The following RAP2A variants were observed in gnomAD, a reference collection of about 807,000 sequenced individuals.
RAP2A encodes the protein RAP2A, member of RAS oncogene family, also known as ras-related protein Rap-2a.
In RAP2A, 5 loss-of-function variants were observed where a neutral mutation model predicts 15.1. The ratio of observed to expected loss-of-function variants is 0.33; its 90% CI spans 0.17 to 0.70. The LOEUF is 0.70. RAP2A is among the 30% of genes least tolerant of loss of function. The probability of loss-of-function intolerance (pLI) is 0.68; values close to 1 mark genes in which losing one functional copy is unlikely to be tolerated. For synonymous variants in RAP2A, 110 were observed against 99.7 expected (o/e 1.10, Z -0.62); for missense variants, 111 against 240.3 (o/e 0.46, Z 3.56).
intron 1 of RAP2A, among the ~76,000 whole-genome samples, chr13:97,455,028 C>T (rs2066717091): frequency 6.6e-6 from 1 of 151,256 alleles, no homozygotes; most frequent in African/African-American, 2.4e-5. Flanking sequence ...TCTTTGGCTG[C>T]TTTCAAGATT....
chr13:97,461,871 G>A (rs1016126838), intron 1 of RAP2A, among the ~76,000 whole-genome samples: 1 of 151,176 alleles, frequency 6.6e-6, no homozygotes, highest in African/African-American at 2.4e-5. Flanking sequence ...ACTGAGGCAA[G>A]AGAATGGCGT....
chr13:97,451,398 A>C (rs1439498762), intron 1 of RAP2A, among the ~76,000 whole-genome samples: 1 of 152,150 alleles, frequency 6.6e-6, no homozygotes, highest in Non-Finnish European at 1.5e-5. Context: ...AGCCACTTCC[A>C]TACTCAGAGA....
chr13:97,449,206 G>A (rs951847925), intron 1 of RAP2A, among the ~76,000 whole-genome samples: 3 of 152,116 alleles, frequency 2.0e-5, no homozygotes, highest in African/African-American at 7.2e-5. Flanking sequence ...GCTAGTCGCT[G>A]TAGATCTGCT....
At chr13:97,463,478 TAAAAG>T in intron 1 of RAP2A, among the ~76,000 whole-genome samples, 1 of 152,238 alleles carries the variant, frequency 6.6e-6, no homozygotes, top group Non-Finnish European at 1.5e-5. Context: ...TTGTCAGTCT[TAAAAG>T]AATCCTAATT....
chr13:97,458,003 CTG>C (rs879680612), intron 1 of RAP2A, among the ~76,000 whole-genome samples: 3 of 152,126 alleles, frequency 2.0e-5, no homozygotes, highest in Non-Finnish European at 4.4e-5. Flanking sequence ...AACTTTTAAA[CTG>C]TGACTTTTTA....
At chr13:97,435,675 T>C (rs2066631090) in intron 1 of RAP2A, among the ~76,000 whole-genome samples, 1 of 152,176 alleles carries the variant, frequency 6.6e-6, no homozygotes, top group Non-Finnish European at 1.5e-5. Flanking sequence ...TTCTCTTAAA[T>C]TCACTGAATA....
chr13:97,442,942 A>G (rs936263716), intron 1 of RAP2A, among the ~76,000 whole-genome samples: 2 of 152,230 alleles, frequency 1.3e-5, no homozygotes, highest in Non-Finnish European at 2.9e-5. Context: ...TGTTGTGCAT[A>G]TTAGAAATAT....
intron 1 of RAP2A, among the ~76,000 whole-genome samples, chr13:97,442,197 ATAAC>A (rs2066660556): frequency 6.6e-6 from 1 of 152,258 alleles, no homozygotes; most frequent in East Asian, 1.9e-4. Flanking sequence ...AGTAATCAAA[ATAAC>A]TAAAAACAAT....
In RAP2A at chr13:97,466,680, G is replaced by A. The variant is rs2066773015; in HGVS notation, c.*2238G>A. The A allele has an allele frequency of 6.6e-6, 1 of 152,196 alleles. No homozygotes were observed. Among genetic ancestry groups the A allele is most frequent in the African/African-American group, 2.4e-5 (1 of 41,440 alleles). The allele number at this position is 152,196 out of a possible 1,614,324, so 9.4% of individuals were successfully genotyped here. On this transcript the variant is annotated 3_prime_UTR_variant, in exon 2 of 2. Coordinates refer to ENST00000245304, the MANE Select transcript of RAP2A (RefSeq NM_021033.7). ...GTTAAATAATATGAAAGATATGGCA[G>A]AATGTAAAGTGGAAAAGATGACCTA...
intron 1 of RAP2A, among the ~76,000 whole-genome samples, chr13:97,438,205 A>G (rs187321823): frequency 2.0e-4 from 31 of 152,196 alleles, no homozygotes; most frequent in African/African-American, 7.0e-4. Context: ...TGGTCCTGAC[A>G]TGAAGTTCTT....
chr13:97,440,024 A>G (rs2153179111), intron 1 of RAP2A, among the ~76,000 whole-genome samples: 1 of 152,252 alleles, frequency 6.6e-6, no homozygotes, highest in Middle Eastern at 3.4e-3. Context: ...ACAGAAGCAT[A>G]TTACCAATTG....
At chr13:97,457,567 T>C (rs575462359) in intron 1 of RAP2A, among the ~76,000 whole-genome samples, 2 of 152,188 alleles carry the variant, frequency 1.3e-5, no homozygotes, top group East Asian at 1.9e-4. Flanking sequence ...GGCACAGTTA[T>C]AGATTCTATA....
chr13:97,434,864 C>T lies in RAP2A; in HGVS notation c.314+80C>T, dbSNP rs572134854. 6 of 1,560,456 alleles carry T rather than the reference C, an allele frequency of 3.8e-6. No homozygotes were observed. In the Admixed American group the frequency reaches 1.1e-4, roughly 28 times the overall value. ...GGCTGGAACTCCCCGCGCGGGGCTCCGGGGAAGGGGCTTTCTGGGGGGTGG... is the reference window on the plus strand; with the variant it reads ...GGCTGGAACTCCCCGCGCGGGGCTCTGGGGAAGGGGCTTTCTGGGGGGTGG... On this transcript the variant is annotated intron_variant, in intron 1 of 1. Transcript: ENST00000245304.
intron 1 of RAP2A, among the ~76,000 whole-genome samples, chr13:97,442,988 G>A (rs1202142121): frequency 6.6e-6 from 1 of 152,170 alleles, no homozygotes; most frequent in Non-Finnish European, 1.5e-5. Flanking sequence ...GTTCATTCTA[G>A]TAATTCAAGA....
At chr13:97,456,049 A>G (rs2066721396) in intron 1 of RAP2A, among the ~76,000 whole-genome samples, 1 of 148,720 alleles carries the variant, frequency 6.7e-6, no homozygotes, top group Non-Finnish European at 1.5e-5. Context: ...CAGATTTCTA[A>G]TGAAGTTTTA....
rs375606502 is a variant in RAP2A, at chr13:97,464,484, G to T, written c.*42G>T. 6.9e-6 allele frequency: 11 copies of T among 1,584,200 alleles called. No homozygotes were observed. Among genetic ancestry groups the T allele is most frequent in the Non-Finnish European group, 9.5e-6 (11 of 1,154,218 alleles). ...TCCTGGATGGGATTTGCCCAATGTC[G>T]TAGGTGATAGAAAACTCGCCTACTC... On this transcript the variant is annotated 3_prime_UTR_variant, in exon 2 of 2. Transcript: ENST00000245304.
At position 97,451,246 on chromosome 13, in the gene RAP2A, T is replaced by A. The variant is rs1241188833; in HGVS notation, c.315-12959T>A. ...TAATCTTACTGATTTTTTTTGTTTT[T>A]TTTTATTGAGGTAGAAATTTTATGC... On this transcript the variant is annotated intron_variant, in intron 1 of 1. Transcript: ENST00000245304. 9.8e-5 allele frequency among the ~76,000 whole-genome samples: 15 copies of A among 152,320 alleles called. No homozygotes were observed. The East Asian group carries it at 2.9e-3, about 29-fold the overall frequency.
chr13:97,463,837 G>A (rs1460605892), intron 1 of RAP2A, among the ~76,000 whole-genome samples: 1 of 152,092 alleles, frequency 6.6e-6, no homozygotes, highest in Non-Finnish European at 1.5e-5. Flanking sequence ...TTTACTCATT[G>A]TAGCTATTTA....
chr13:97,436,895 A>G (rs902170825), intron 1 of RAP2A, among the ~76,000 whole-genome samples: 1 of 152,216 alleles, frequency 6.6e-6, no homozygotes. Context: ...GTAATATGGT[A>G]GTAGTAAGGT....
Sources: allele counts gnomAD v4.1 joint callset (sites outside exome capture counted in the v4.1 genomes callset), GRCh38; gene constraint gnomAD v4.1.1; transcripts MANE v1.5; gene names NCBI Gene and HGNC (gene_info 2026-07-23, HGNC 2026-07-21).